Variants in ABCB8 observed in about 807,000 individuals in gnomAD.
ABCB8 encodes the protein mitochondrial potassium channel ATP-binding subunit.
In ABCB8, 52 loss-of-function variants were observed where a neutral mutation model predicts 73.0. The observed-to-expected ratio is 0.71, with a 90% confidence interval of 0.57 to 0.90. ABCB8 has a LOEUF of 0.90. Among genes scored for constraint, ABCB8 ranks in the 40% least tolerant of loss-of-function variants. The pLI is 0.00. For missense variants in ABCB8, 909 were observed against 974.6 expected, an observed-to-expected ratio of 0.93 and a Z score of 0.90; for synonymous variants, 428 against 423.5, an observed-to-expected ratio of 1.01 and a Z score of -0.13.
At chr7:151,040,373 A>G (rs1053923113) in intron 10 of ABCB8, 72 bp downstream of exon 10, 9 of 1,597,614 alleles carry the variant, frequency 5.6e-6, no homozygotes, top group South Asian at 4.5e-5. Context: ...GGAGCTGCCT[A>G]TTGACTGGGT....
chr7:151,042,082 T>C lies in ABCB8; in HGVS notation c.1739T>C (p.Phe580Ser). Residue 580 changes from phenylalanine (F) to serine (S), a missense_variant, in exon 14 of 16, where the codon TTC becomes TCC. Transcript: ENST00000358849. ...EANAHEFITS[F>S]PEGYNTVVGE... is the part of the protein sequence containing the mutation. ...AATGCTCACGAGTTCATCACCAGCT[T>C]CCCCGAGGGCTACAACACGGTCGTC... 1 of 1,612,950 alleles carries C rather than the reference T, an allele frequency of 6.2e-7. No homozygotes were observed. The highest frequency in any genetic ancestry group is 1.3e-5 in the African/African-American group (1 of 74,968).
intron 1 of ABCB8, chr7:151,033,284 C>A (rs1365622503): frequency 1.6e-6 from 1 of 624,604 alleles, no homozygotes; most frequent in Non-Finnish European, 2.5e-6. Flanking sequence ...CCATCCAGTT[C>A]TTCAGGCTGT....
chr7:151,045,462 G>C lies in ABCB8; in HGVS notation c.*113G>C. 2 of 1,270,080 alleles carry C rather than the reference G, an allele frequency of 1.6e-6. No homozygotes were observed. The highest frequency in any genetic ancestry group is 2.0e-6 in the Non-Finnish European group (2 of 984,998). 78.7% of individuals were successfully genotyped at this position (1,270,080 alleles called of 1,614,324 possible). On this transcript the variant is annotated 3_prime_UTR_variant, in exon 16 of 16. Transcript: ENST00000358849. The stretch of plus-strand genomic sequence containing the variant: ...CAGGAGGGCCAGCATGTGGAGAGTC[G>C]CTGCGGCTGCTCCTGCTCACAATAA...
At chr7:151,043,613 G>A (rs1796529804) in intron 14 of ABCB8, among the ~76,000 whole-genome samples, 2 of 147,960 alleles carry the variant, frequency 1.4e-5, no homozygotes, top group Non-Finnish European at 3.0e-5. Context: ...GGCAGGACTA[G>A]GGTGCACAGT....
At chr7:151,031,967 T>C (rs993090731) in intron 1 of ABCB8, among the ~76,000 whole-genome samples, 4 of 152,182 alleles carry the variant, frequency 2.6e-5, no homozygotes. Context: ...GGCCTAAAAA[T>C]CACCATGACC....
rs576776514 is a variant in ABCB8 at position 151,035,637 on chromosome 7, G to C, written c.822G>C (p.Ser274=). The C allele has an allele frequency of 2.5e-6, 4 of 1,610,930 alleles. No individual in the cohort carries two copies. Among genetic ancestry groups the C allele is most frequent in the East Asian group, 4.5e-5 (2 of 44,782 alleles). The change falls in exon 6 of 16, where the codon TCG becomes TCC. Residue 274 remains serine (S), a synonymous_variant. Coordinates refer to ENST00000358849, the MANE Select transcript of ABCB8 (RefSeq NM_007188.5). ...AGCLVSLSML[S]TRLTLLLMVA... ...GCCTGGTGTCCCTGTCCATGCTGTC[G>C]ACACGCCTCACGCTGCTGCTGATGG...
At position 151,044,058 on chromosome 7, in the gene ABCB8, TG is replaced by T; in HGVS notation, c.1855del (p.Asp619MetfsTer30). 5.0e-6 allele frequency: 8 copies of T among 1,613,628 alleles called. No homozygotes were observed. Among genetic ancestry groups the T allele is most frequent in the Non-Finnish European group, 5.9e-6 (7 of 1,179,956 alleles). ...ATCAAGCAGCCCACGGTGCTGATAC[TG>T]GATGAAGCTACCAGCGCGCTGGATG... ...ALIKQPTVLI[L>X]DEATSALDAE... is the part of the protein sequence containing the mutation. On this transcript the variant is annotated frameshift_variant, in exon 15 of 16. Transcript: ENST00000358849. LOFTEE classifies it high-confidence loss of function.
In ABCB8 at chr7:151,042,085, C is replaced by T; in HGVS notation, c.1742C>T (p.Pro581Leu). 6.2e-7 allele frequency: 1 copy of T among 1,613,156 alleles called. No homozygotes were observed. Among genetic ancestry groups the T allele is most frequent in the African/African-American group, 1.3e-5 (1 of 75,066 alleles). Residue 581 changes from proline (P) to leucine (L), a missense_variant, in exon 14 of 16, where the codon CCC becomes CTC. Coordinates refer to ENST00000358849, the MANE Select transcript of ABCB8 (RefSeq NM_007188.5). ...ANAHEFITSF[P>L]EGYNTVVGER... ...GCTCACGAGTTCATCACCAGCTTCC[C>T]CGAGGGCTACAACACGGTCGTCGGT... is the stretch of plus-strand genomic sequence containing the variant.
chr7:151,037,626 A>C, intron 9 of ABCB8: 2 of 367,032 alleles, frequency 5.4e-6, no homozygotes, highest in East Asian at 6.4e-5. Flanking sequence ...ACCGTGCATC[A>C]CCTCTGCCAC....
intron 9 of ABCB8, chr7:151,037,657 C>G: frequency 2.8e-6 from 1 of 356,220 alleles, no homozygotes. Flanking sequence ...CCCCCACGAC[C>G]CCCCTGCTCT....
intron 9 of ABCB8, chr7:151,036,993 G>T: frequency 1.5e-6 from 1 of 688,806 alleles, no homozygotes; most frequent in Non-Finnish European, 2.7e-6. Flanking sequence ...GAAGTGTGCA[G>T]CTCATGGGCA....
At chr7:151,031,634 CTT>C (rs547031807) in intron 1 of ABCB8, 146 of 153,664 alleles carry the variant, frequency 9.5e-4, no homozygotes, top group South Asian at 2.5e-3. Flanking sequence ...CTGCTATGAT[CTT>C]TTTTTTTTTT....
intron 1 of ABCB8, chr7:151,031,499 ACTC>A (rs1796161790): frequency 3.5e-6 from 2 of 566,108 alleles, no homozygotes; most frequent in Non-Finnish European, 5.8e-6. Flanking sequence ...AGCTCACACT[ACTC>A]TTTTTTTAAA....
In ABCB8 at chr7:151,044,159, C is replaced by T. The variant is rs754058687; in HGVS notation, c.1954C>T (p.Arg652Trp). 7 of 1,612,392 alleles carry T rather than the reference C, an allele frequency of 4.3e-6. No homozygotes were observed. Among genetic ancestry groups the T allele is most frequent in the Admixed American group, 1.7e-5 (1 of 59,990 alleles). ...CCGCACGGTGCTGGTAATTGCCCAC[C>T]GGCTCAGCACTGTCCGTGGGGCCCA... ...AGRTVLVIAH[R>W]LSTVRGAHCI... Residue 652 changes from arginine (R) to tryptophan (W), a missense_variant, in exon 15 of 16, where the codon CGG becomes TGG. By Grantham distance (101) the Arg-to-Trp change is moderately radical (BLOSUM62 -3). Transcript: ENST00000358849.
intron 9 of ABCB8, chr7:151,039,799 T>C (rs1169334166): frequency 6.4e-6 from 1 of 156,992 alleles, no homozygotes; most frequent in East Asian, 1.9e-4. Flanking sequence ...TTAGATCTGC[T>C]CTCCCCTTCT....
In ABCB8 at chr7:151,044,106, A is replaced by G. The variant is rs144753694; in HGVS notation, c.1901A>G (p.Gln634Arg). The G allele has an allele frequency of 5.6e-5, 91 of 1,613,904 alleles. No individual in the cohort carries two copies. The African/African-American group carries it at 1.0e-3, about 18-fold the overall frequency. The change falls in exon 15 of 16, where the codon CAG becomes CGG. Residue 634 changes from glutamine to arginine, a missense_variant. By Grantham distance (43) the Gln-to-Arg change is conservative. Transcript: ENST00000358849. Reference sequence around the variant, plus strand: ...GATGCAGAGTCCGAGCGGGTTGTACAGGAGGCCCTGGACCGGGCCAGTGCA... The same window carrying G: ...GATGCAGAGTCCGAGCGGGTTGTACGGGAGGCCCTGGACCGGGCCAGTGCA... ...ALDAESERVV[Q>R]EALDRASAGR...
chr7:151,036,508 C>G, intron 8 of ABCB8, 36 bp from the exon 9 acceptor site: 1 of 1,572,808 alleles, frequency 6.4e-7, no homozygotes, highest in Middle Eastern at 1.7e-4. Context: ...TTCCTCTGCC[C>G]TGGCTTCGTC....
In ABCB8 at chr7:151,045,448, G is replaced by C. The variant is rs1796589880; in HGVS notation, c.*99G>C. 8 of 1,336,962 alleles carry C rather than the reference G, an allele frequency of 6.0e-6. No individual in the cohort carries two copies. The highest frequency in any genetic ancestry group is 7.7e-6 in the Non-Finnish European group (8 of 1,034,130). The allele number at this position is 1,336,962 out of a possible 1,614,324, so 82.8% of individuals were successfully genotyped here. On this transcript the variant is annotated 3_prime_UTR_variant, in exon 16 of 16. Transcript: ENST00000358849. ...GGGGACTGAGCCCCCAGGAGGGCCA[G>C]CATGTGGAGAGTCGCTGCGGCTGCT...
Position 151,041,231 on chromosome 7 carries a change from A to G in ABCB8, c.1616A>G (p.Gln539Arg), listed in dbSNP as rs776594340. The G allele has an allele frequency of 6.3e-7, 1 of 1,599,746 alleles. No individual in the cohort carries two copies. Among genetic ancestry groups the G allele is most frequent in the African/African-American group, 1.3e-5 (1 of 75,018 alleles). The change falls in exon 13 of 16, where the codon CAG becomes CGG. Residue 539 changes from glutamine (Q) to arginine (R), a missense_variant and splice_region_variant. By Grantham distance (43) the Gln-to-Arg change is conservative. Coordinates refer to ENST00000358849, the MANE Select transcript of ABCB8 (RefSeq NM_007188.5). ...GGCCAGGTTGTCGGCTTCATCAGCC[A>G]GGTGCGGGGCCACATGGGCAGCCCT... is the stretch of plus-strand genomic sequence containing the variant. ...LRGQVVGFIS[Q>R]EPVLFGTTIM... is the part of the protein sequence containing the mutation.
Sources: allele counts gnomAD v4.1 joint callset (sites outside exome capture counted in the v4.1 genomes callset), GRCh38; gene constraint gnomAD v4.1.1; transcripts MANE v1.5; gene names NCBI Gene and HGNC (gene_info 2026-07-23, HGNC 2026-07-21).